Variants in SYT12 observed in about 807,000 individuals in gnomAD.
SYT12 encodes synaptotagmin 12, also known as synaptotagmin-12.
A neutral mutation model predicts 39.5 loss-of-function variants in SYT12; 27 were observed. That is an observed-to-expected ratio of 0.68 (90% CI 0.50 to 0.94). The LOEUF (loss-of-function observed/expected upper bound fraction) is 0.94, where lower values mean the gene tolerates loss of function less well. Among genes scored for constraint, SYT12 ranks in the 40% least tolerant of loss-of-function variants. The pLI, the probability that SYT12 is intolerant of heterozygous loss-of-function variation, is 0.00. For missense variants in SYT12, 536 were observed against 572.6 expected (o/e 0.94, Z 0.65); for synonymous variants, 233 against 239.7 (o/e 0.97, Z 0.26).
At chr11:67,021,224 G>A (rs1481268650), upstream of SYT12, among the ~76,000 whole-genome samples, 1 of 152,040 alleles carries the variant, frequency 6.6e-6, no homozygotes, top group Non-Finnish European at 1.5e-5. Context: ...ATTGAAGGGT[G>A]TTCAACATGA....
chr11:67,048,169 G>A lies in SYT12; in HGVS notation c.1093-415G>A, dbSNP rs1209567083. Reference sequence around the variant, plus strand: ...GCCTGTAATCCCAGCTACTTGGGAGGCTGAAGCAGGAGAATTGCTTGAACC... The same window carrying A: ...GCCTGTAATCCCAGCTACTTGGGAGACTGAAGCAGGAGAATTGCTTGAACC... On this transcript the variant is annotated intron_variant, in intron 7 of 7. Coordinates refer to ENST00000527043, the MANE Select transcript of SYT12 (RefSeq NM_177963.4). 2.0e-5 allele frequency among the ~76,000 whole-genome samples: 3 copies of A among 151,354 alleles called. No individual in the cohort carries two copies. The South Asian group carries it at 6.3e-4, about 32-fold the overall frequency.
In SYT12 at chr11:67,039,861, C is replaced by T; in HGVS notation, c.279C>T (p.Ser93=). The change falls in exon 4 of 8, where the codon AGC becomes AGT. Residue 93 remains serine (S), a synonymous_variant. Transcript: ENST00000527043. The part of the protein sequence containing the change: ...AQRASTRGPP[S]RKGSLSIEDT... The stretch of plus-strand genomic sequence containing the variant: ...GGGCCAGCACGCGGGGACCACCCAG[C>T]CGCAAAGGCAGTCTCAGCATTGAGG... 6.2e-7 allele frequency: 1 copy of T among 1,613,308 alleles called. No individual in the cohort carries two copies.
At chr11:67,024,269 A>G (rs1228833543) in intron 1 of SYT12, among the ~76,000 whole-genome samples, 1 of 152,220 alleles carries the variant, frequency 6.6e-6, no homozygotes, top group Non-Finnish European at 1.5e-5. Context: ...ACAGTTTTAG[A>G]GAGCAGCAGC....
exon 3 of SYT12, chr11:67,010,970 A>C (rs1950009218): frequency 6.6e-6 from 1 of 152,358 alleles, no homozygotes; most frequent in Middle Eastern, 3.4e-3. Flanking sequence ...GTCACATAAC[A>C]CACAAACAAA....
At chr11:67,047,826 C>G (rs1360295823) in intron 7 of SYT12, among the ~76,000 whole-genome samples, 1 of 110,492 alleles carries the variant, frequency 9.1e-6, no homozygotes, top group African/African-American at 3.5e-5. Context: ...CTCGCTCTTT[C>G]GCCCAGGCTG....
At chr11:67,047,768 C>T (rs1225326759) in intron 7 of SYT12, among the ~76,000 whole-genome samples, 3 of 142,530 alleles carry the variant, frequency 2.1e-5, no homozygotes, top group Non-Finnish European at 4.6e-5. Flanking sequence ...CATGATGAAA[C>T]CCCCATCTCT....
At chr11:67,033,042 C>G (rs1452804383) in intron 2 of SYT12, 1 of 152,824 alleles carries the variant, frequency 6.5e-6, no homozygotes, top group Admixed American at 6.5e-5. Flanking sequence ...GCTCAGCAGA[C>G]AGCAGGGCAG....
intron 7 of SYT12, among the ~76,000 whole-genome samples, chr11:67,047,981 C>T (rs1336345613): frequency 2.0e-5 from 3 of 146,912 alleles, no homozygotes; most frequent in South Asian, 4.4e-4. Context: ...TTAGTAGAGA[C>T]GGGGTTTCAC....
rs1854699527 is a variant in SYT12 at position 67,049,918 on chromosome 11, C to T, written c.*1161C>T. On this transcript the variant is annotated 3_prime_UTR_variant, in exon 8 of 8. Transcript: ENST00000527043. ...GTGCCCCCGACACCGGGTCTCCTAG[C>T]TTGAGTTCCCTAGAAGCGAAATCTG... 6.6e-6 allele frequency: 1 copy of T among 152,338 alleles called. No individual in the cohort carries two copies. The highest frequency in any genetic ancestry group is 1.9e-4 in the East Asian group (1 of 5,180). 9.4% of individuals were successfully genotyped at this position (152,338 alleles called of 1,614,324 possible).
chr11:67,036,012 T>C (rs933562578), intron 3 of SYT12, among the ~76,000 whole-genome samples: 1 of 151,048 alleles, frequency 6.6e-6, no homozygotes, highest in Non-Finnish European at 1.5e-5. Flanking sequence ...CCTCCTGGGT[T>C]CAAGCGATCC....
chr11:67,027,011 G>A (rs954718159), intron 1 of SYT12: 8 of 152,190 alleles, frequency 5.3e-5, no homozygotes, highest in African/African-American at 1.9e-4. Context: ...GGGAACTGAG[G>A]CTCTAAGAGA....
At chr11:67,026,145 A>G (rs563314629) in intron 1 of SYT12, among the ~76,000 whole-genome samples, 8 of 152,152 alleles carry the variant, frequency 5.3e-5, no homozygotes, top group Non-Finnish European at 1.2e-4. Context: ...AGGGCTCAAC[A>G]GGTTCTAGCA....
chr11:67,043,199 C>A (rs2136229654), intron 4 of SYT12, among the ~76,000 whole-genome samples: 1 of 152,330 alleles, frequency 6.6e-6, no homozygotes, highest in Non-Finnish European at 1.5e-5. Context: ...ACCCATCCAG[C>A]CTACGGTGTT....
In SYT12 at chr11:67,045,853, C is replaced by T. The variant is rs774449345; in HGVS notation, c.1068C>T (p.Phe356=). The T allele has an allele frequency of 4.3e-6, 7 of 1,613,534 alleles. No individual in the cohort carries two copies. In the East Asian group the frequency reaches 1.6e-4, roughly 36 times the overall value. ...PNPVFNEAMI[F]SVPAIVLQDL... ...CGGTGTTCAACGAAGCCATGATCTT[C>T]TCGGTGCCAGCCATTGTGCTCCAGG... is the stretch of plus-strand genomic sequence containing the variant. The change falls in exon 7 of 8, where the codon TTC becomes TTT. Residue 356 remains phenylalanine (F), a synonymous_variant. Coordinates refer to ENST00000527043, the MANE Select transcript of SYT12 (RefSeq NM_177963.4).
chr11:67,012,238 G>T (rs1249860356), intron 3 of SYT12, among the ~76,000 whole-genome samples: 1 of 151,962 alleles, frequency 6.6e-6, no homozygotes, highest in African/African-American at 2.4e-5. Context: ...AGGCGTGGTG[G>T]TGTGTGCCTG....
At chr11:67,041,989 G>A (rs566340358) in intron 4 of SYT12, among the ~76,000 whole-genome samples, 4 of 152,214 alleles carry the variant, frequency 2.6e-5, no homozygotes, top group Non-Finnish European at 4.4e-5. Context: ...CTGGGCTGAA[G>A]GGTGGGGATA....
At chr11:67,030,495 A>G (rs1950245198) in intron 2 of SYT12, 1 of 347,086 alleles carries the variant, frequency 2.9e-6, no homozygotes, top group Non-Finnish European at 5.3e-6. Context: ...CTCGGAATCC[A>G]CTCACCGAGG....
At chr11:67,020,541 G>C (rs369629590), upstream of SYT12, among the ~76,000 whole-genome samples, 6 of 152,168 alleles carry the variant, frequency 3.9e-5, no homozygotes, top group Admixed American at 3.9e-4. Context: ...CAGGAGATGG[G>C]CACTGAGATC....
upstream of SYT12, among the ~76,000 whole-genome samples, chr11:67,018,580 T>C (rs897167811): frequency 6.6e-6 from 1 of 151,968 alleles, no homozygotes; most frequent in Non-Finnish European, 1.5e-5. Context: ...CCCAGCACTT[T>C]GGGAGGCCGA....
Sources: gnomAD v4.1 joint callset for allele counts (sites outside exome capture counted in the v4.1 genomes callset) on GRCh38, gnomAD v4.1.1 for gene constraint, MANE v1.5 for transcripts, NCBI Gene and HGNC (gene_info 2026-07-23, HGNC 2026-07-21) for gene names.